Variants in TBC1D32 observed in about 807,000 individuals in gnomAD.
The protein encoded by TBC1D32 is TBC1 domain family member 32, also known as protein broad-minded.
A neutral mutation model predicts 170.3 loss-of-function variants in TBC1D32; 151 were observed. The observed-to-expected ratio is 0.89, with a 90% CI of 0.78 to 1.01. The LOEUF is 1.01. Among genes scored for constraint, TBC1D32 ranks in the 50% least tolerant of loss-of-function variants. The pLI is 0.00. For synonymous variants in TBC1D32, 498 were observed against 488.0 expected (o/e 1.02, Z -0.27); for missense variants, 1,464 against 1,457.1 (o/e 1.00, Z -0.08).
At chr6:121,304,257 C>A in intron 8 of TBC1D32, 108 bp downstream of exon 8, 2 of 922,544 alleles carry the variant, frequency 2.2e-6, no homozygotes, top group Non-Finnish European at 3.2e-6. Context: ...TAATCCCTTC[C>A]CAATCAGGTA....
chr6:121,270,492 A>T (rs1801226356), intron 15 of TBC1D32, among the ~76,000 whole-genome samples: 1 of 152,166 alleles, frequency 6.6e-6, no homozygotes, highest in Non-Finnish European at 1.5e-5. Context: ...CCTCTACGCA[A>T]ATAAACTAGA....
intron 29 of TBC1D32, among the ~76,000 whole-genome samples, chr6:121,111,889 C>T (rs1384227177): frequency 6.6e-6 from 1 of 152,098 alleles, no homozygotes; most frequent in East Asian, 1.9e-4. Flanking sequence ...ATTAGCATAG[C>T]TGATATTTTT....
chr6:121,098,094 T>C (rs1428700077), intron 30 of TBC1D32, among the ~76,000 whole-genome samples: 5 of 151,718 alleles, frequency 3.3e-5, no homozygotes, highest in Admixed American at 2.0e-4. Flanking sequence ...ATACCTAATG[T>C]AGATGATGGG....
chr6:121,253,477 G>A (rs1798560323), intron 17 of TBC1D32, among the ~76,000 whole-genome samples: 1 of 152,166 alleles, frequency 6.6e-6, no homozygotes, highest in Admixed American at 6.5e-5. Context: ...CCCGCACTTT[G>A]GGAGGCCGAG....
At chr6:121,179,705 T>C (rs938729075) in intron 22 of TBC1D32, among the ~76,000 whole-genome samples, 5 of 152,126 alleles carry the variant, frequency 3.3e-5, no homozygotes, top group African/African-American at 1.2e-4. Context: ...TAATCAAAAC[T>C]GTACAAAATA....
intron 1 of TBC1D32, among the ~76,000 whole-genome samples, chr6:121,327,936 T>C (rs1468815956): frequency 6.6e-6 from 1 of 152,192 alleles, no homozygotes; most frequent in Admixed American, 6.5e-5. Flanking sequence ...ATGAATGTCC[T>C]ATATGTTTAA....
At chr6:121,098,219 T>A (rs998076512) in intron 30 of TBC1D32, among the ~76,000 whole-genome samples, 62 of 142,308 alleles carry the variant, frequency 4.4e-4, no homozygotes, top group African/African-American at 1.6e-3. Flanking sequence ...ATAATAATAA[T>A]AAAACATTAA....
intron 13 of TBC1D32, among the ~76,000 whole-genome samples, chr6:121,282,815 A>T (rs1156475183): frequency 6.6e-6 from 1 of 151,884 alleles, no homozygotes; most frequent in Non-Finnish European, 1.5e-5. Flanking sequence ...TTTAATCATA[A>T]AAGATGTCTA....
Position 121,321,769 on chromosome 6 carries a change from G to A in TBC1D32, c.181C>T (p.Gln61Ter), listed in dbSNP as rs1809755959. The part of the protein sequence containing the change: ...HNYEFVKYLR[Q>*]HIGNTLGSMI... ...GAACCCAAAGTGTTGCCTATATGCT[G>A]CCTGAGGTATTTCACAAATTCATAG... The change falls in exon 2 of 32, where the codon CAG becomes TAG. Residue 61 changes from glutamine (Q) to a stop codon, truncating the protein, a stop_gained. Coordinates refer to ENST00000398212, the MANE Select transcript of TBC1D32 (RefSeq NM_152730.6). LOFTEE classifies it high-confidence loss of function. 1.2e-6 allele frequency: 2 copies of A among 1,610,852 alleles called. No individual in the cohort carries two copies. Among genetic ancestry groups the A allele is most frequent in the Non-Finnish European group, 8.5e-7 (1 of 1,178,908 alleles).
At chr6:121,152,053 G>A (rs1457095045) in intron 24 of TBC1D32, among the ~76,000 whole-genome samples, 11 of 152,188 alleles carry the variant, frequency 7.2e-5, no homozygotes, top group Admixed American at 7.2e-4. Flanking sequence ...TATGATGCTA[G>A]CTGGTTATTT....
At chr6:121,245,119 G>C (rs1043251902) in intron 17 of TBC1D32, among the ~76,000 whole-genome samples, 1 of 152,204 alleles carries the variant, frequency 6.6e-6, no homozygotes, top group Non-Finnish European at 1.5e-5. Flanking sequence ...CTACCCAGAA[G>C]TCCTGAGTCT....
chr6:121,135,291 T>C (rs190599277), intron 24 of TBC1D32, among the ~76,000 whole-genome samples: 22 of 152,234 alleles, frequency 1.4e-4, no homozygotes, highest in African/African-American at 5.3e-4. Context: ...CCAAAATTTA[T>C]ATATGGAACA....
At chr6:121,270,923 T>G (rs893384688) in intron 15 of TBC1D32, among the ~76,000 whole-genome samples, 18 of 152,182 alleles carry the variant, frequency 1.2e-4, no homozygotes, top group Admixed American at 8.5e-4. Context: ...ACAAACAAGT[T>G]GACTTCATCC....
intron 22 of TBC1D32, among the ~76,000 whole-genome samples, chr6:121,175,698 CTTTAA>C (rs1304460930): frequency 2.6e-5 from 4 of 152,110 alleles, no homozygotes; most frequent in Admixed American, 6.5e-5. Flanking sequence ...AAGGTTACCT[CTTTAA>C]TTTGATTTTT....
intron 24 of TBC1D32, among the ~76,000 whole-genome samples, chr6:121,146,711 T>C (rs1001890878): frequency 1.3e-5 from 2 of 152,162 alleles, no homozygotes; most frequent in African/African-American, 4.8e-5. Context: ...TCCTGAATCA[T>C]AGATAAGAGG....
intron 24 of TBC1D32, among the ~76,000 whole-genome samples, chr6:121,141,798 T>C (rs529446933): frequency 7.6e-5 from 11 of 145,468 alleles, no homozygotes; most frequent in African/African-American, 2.8e-4. Flanking sequence ...GGAAAAGTTG[T>C]AAAAAAAAAA....
rs1439009485 is a variant in TBC1D32 at position 121,080,783 on chromosome 6, C to T, written c.3762G>A (p.Leu1254=). 7 of 1,612,452 alleles carry T rather than the reference C, an allele frequency of 4.3e-6. No individual in the cohort carries two copies. The highest frequency in any genetic ancestry group is 5.9e-6 in the Non-Finnish European group (7 of 1,179,440). Residue 1254 remains leucine, a synonymous_variant, in exon 32 of 32, where the codon CTG becomes CTA. Transcript: ENST00000398212. The part of the protein sequence containing the change: ...VLLRDMRNIR[L]QST ...TGTGTCTCATGATCTATGTGCTCTGCAGTCTAATGTTCCGCATGTCTCTCA... is the reference window on the plus strand; with the variant it reads ...TGTGTCTCATGATCTATGTGCTCTGTAGTCTAATGTTCCGCATGTCTCTCA...
chr6:121,318,142 C>A (rs1809190147), intron 2 of TBC1D32, among the ~76,000 whole-genome samples: 1 of 152,008 alleles, frequency 6.6e-6, no homozygotes, highest in South Asian at 2.1e-4. Context: ...ACACCCATAG[C>A]CACAACTGAG....
rs186247653 is a variant in TBC1D32 at position 121,193,643 on chromosome 6, C to T, written c.2570+11432G>A. 1.7e-3 allele frequency among the ~76,000 whole-genome samples: 263 copies of T among 152,344 alleles called. 1 individual carries two copies. Among genetic ancestry groups the T allele is most frequent in the Non-Finnish European group, 2.7e-3 (187 of 68,036 alleles). ...TGGGCCTAGCTACCGTAATGGACAA[C>T]AGAAACAAAGCAGCAAACAGAACAG... On this transcript the variant is annotated intron_variant, in intron 22 of 31. Coordinates refer to ENST00000398212, the MANE Select transcript of TBC1D32 (RefSeq NM_152730.6).
Sources: gnomAD v4.1 joint callset for allele counts (sites outside exome capture counted in the v4.1 genomes callset) on GRCh38, gnomAD v4.1.1 for gene constraint, MANE v1.5 for transcripts, NCBI Gene and HGNC (gene_info 2026-07-23, HGNC 2026-07-21) for gene names.